GCGR: variants seen among roughly 807,000 people sequenced by gnomAD.
GCGR encodes the protein glucagon receptor.
In GCGR, 41 loss-of-function variants were observed where a neutral mutation model predicts 56.1. That is an observed-to-expected ratio of 0.73 (90% CI 0.57 to 0.95). The LOEUF is 0.95. Ranked by LOEUF, GCGR falls within the 40% of genes least tolerant of loss-of-function variation. GCGR has a pLI of 0.00. For synonymous variants in GCGR, 278 were observed against 271.1 expected (o/e 1.03, Z -0.25); for missense variants, 595 against 638.2 (o/e 0.93, Z 0.73).
chr17:81,808,101 G>A (rs2037998964), intron 1 of GCGR, among the ~76,000 whole-genome samples: 1 of 152,232 alleles, frequency 6.6e-6, no homozygotes, highest in African/African-American at 2.4e-5. Context: ...CTGGGCAGGG[G>A]GCACACATGT....
In GCGR at chr17:81,811,657, G is replaced by C; in HGVS notation, c.664G>C (p.Ala222Pro). Residue 222 changes from alanine to proline, a missense_variant, in exon 8 of 14, where the codon GCT becomes CCT. Transcript: ENST00000400723. This position sits in a 1 kb window ranked among gnomAD's most constrained non-coding sequence, Gnocchi z 5.8. Reference sequence around the variant, plus strand: ...CACACTGCACCTGTACCAGGCGGTGGCTGGCTGCCGTGTGGCCGCGGTGTT... The same window carrying C: ...CACACTGCACCTGTACCAGGCGGTGCCTGGCTGCCGTGTGGCCGCGGTGTT... ...VSTWLSDGAV[A>P]GCRVAAVFMQ... 3 of 1,536,560 alleles carry C rather than the reference G, an allele frequency of 2.0e-6. No homozygotes were observed. The highest frequency in any genetic ancestry group is 2.6e-6 in the Non-Finnish European group (3 of 1,146,924).
chr17:81,807,026 C>T (rs1275011579), intron 1 of GCGR, among the ~76,000 whole-genome samples: 1 of 152,188 alleles, frequency 6.6e-6, no homozygotes, highest in Admixed American at 6.5e-5. Context: ...AGAGGCGGCT[C>T]CTGCTGCTCC....
rs771337771 is a variant in GCGR at position 81,810,246 on chromosome 17, G to T, written c.163+362G>T. 8 of 397,712 alleles carry T rather than the reference G, an allele frequency of 2.0e-5. No individual in the cohort carries two copies. The highest frequency in any genetic ancestry group is 1.4e-4 in the African/African-American group (7 of 48,412). The allele number at this position is 397,712 out of a possible 1,614,324, so 24.6% of individuals were successfully genotyped here. A position where few individuals can be genotyped will look rare whatever the true frequency, so the allele number is the denominator to read the frequency against. ...GGGACCCAGGGGCCTGGGAGGGCTC[G>T]GGTGGAGAGTGTATATCATGGCCTG... On this transcript the variant is annotated intron_variant, in intron 3 of 13. Coordinates refer to ENST00000400723, the MANE Select transcript of GCGR (RefSeq NM_000160.5). The surrounding 1 kb of genome is among the most constrained non-coding windows in gnomAD (Gnocchi z 4.6).
intron 2 of GCGR, among the ~76,000 whole-genome samples, chr17:81,809,378 GCTGCCTGTCTGTCCGT>G (rs1232343046): frequency 1.9e-4 from 26 of 136,700 alleles, no homozygotes; most frequent in Non-Finnish European, 3.3e-4. Context: ...CTGTCTGTCT[GCTGCCTGTCTGTCCGT>G]CTGCCTGTCT....
intron 1 of GCGR, among the ~76,000 whole-genome samples, chr17:81,808,048 C>T (rs1014345595): frequency 6.6e-6 from 1 of 152,228 alleles, no homozygotes; most frequent in South Asian, 2.1e-4. Flanking sequence ...GAAGCCCAAC[C>T]GAGCCTTGCA....
chr17:81,811,357 C>T lies in GCGR; in HGVS notation c.500+29C>T, dbSNP rs548943024. On this transcript the variant is annotated intron_variant, in intron 6 of 13. Transcript: ENST00000400723. This position sits in a 1 kb window ranked among gnomAD's most constrained non-coding sequence, Gnocchi z 5.8. Reference sequence around the variant, plus strand: ...GGATTCCGCCAGCGCCCGGGGCGGCCGCAGAGGACAGGGAGGAGGACGGGC... The same window carrying T: ...GGATTCCGCCAGCGCCCGGGGCGGCTGCAGAGGACAGGGAGGAGGACGGGC... The T allele has an allele frequency of 1.5e-4, 234 of 1,534,534 alleles. 2 individuals are homozygous for T. In the South Asian group the frequency reaches 2.0e-3, roughly 13 times the overall value.
chr17:81,810,550 G>T lies in GCGR; in HGVS notation c.164-275G>T, dbSNP rs994399672. Among the ~76,000 whole-genome samples, 1 of 152,174 alleles carries T rather than the reference G, an allele frequency of 6.6e-6. No homozygotes were observed. Among genetic ancestry groups the T allele is most frequent in the Non-Finnish European group, 1.5e-5 (1 of 68,018 alleles). On this transcript the variant is annotated intron_variant, in intron 3 of 13. Coordinates refer to ENST00000400723, the MANE Select transcript of GCGR (RefSeq NM_000160.5). This position sits in a 1 kb window ranked among gnomAD's most constrained non-coding sequence, Gnocchi z 4.6. ...GTTTGGGGCACATTTGAGATGGGGG[G>T]TCTCCAAGGGAAGGTGTCCTGCAGA...
In GCGR at chr17:81,809,045, C is replaced by CCTGCTG; in HGVS notation, c.31_36dup (p.Leu16_Leu17dup). ...TGCCCCCCTGCCAGCCACAGCGACCCCTGCTGCTGTTGCTGCTGCTGCTGG... is the reference window on the plus strand; with the variant it reads ...TGCCCCCCTGCCAGCCACAGCGACCCCTGCTGCTGCTGCTGTTGCTGCTGCTGCTGG... On this transcript the variant is annotated inframe_insertion, in exon 2 of 14. Coordinates refer to ENST00000400723, the MANE Select transcript of GCGR (RefSeq NM_000160.5). 1 of 1,536,236 alleles carries CCTGCTG rather than the reference C, an allele frequency of 6.5e-7. No homozygotes were observed. Among genetic ancestry groups the CCTGCTG allele is most frequent in the Non-Finnish European group, 8.7e-7 (1 of 1,146,900 alleles).
chr17:81,812,873 G>T lies in GCGR; in HGVS notation c.1104G>T (p.Val368=). ...LGVHEVVFAF[V]TDEHAQGTLR... ...TCCACGAAGTGGTCTTCGCCTTCGTGACGGACGAGCACGCCCAGGGCACCC... is the reference window on the plus strand; with the variant it reads ...TCCACGAAGTGGTCTTCGCCTTCGTTACGGACGAGCACGCCCAGGGCACCC... The change falls in exon 12 of 14, where the codon GTG becomes GTT. Residue 368 remains valine, a synonymous_variant. Coordinates refer to ENST00000400723, the MANE Select transcript of GCGR (RefSeq NM_000160.5). The surrounding 1 kb of genome is among the most constrained non-coding windows in gnomAD (Gnocchi z 8.5). The T allele has an allele frequency of 6.5e-7, 1 of 1,536,086 alleles. No homozygotes were observed. Among genetic ancestry groups the T allele is most frequent in the Non-Finnish European group, 8.7e-7 (1 of 1,146,770 alleles).
chr17:81,805,936 C>T (rs1005642335), intron 1 of GCGR, among the ~76,000 whole-genome samples: 36 of 152,058 alleles, frequency 2.4e-4, no homozygotes, highest in African/African-American at 5.1e-4. Context: ...CTGGGCTGAC[C>T]GGGGCCCGGG....
chr17:81,812,279 ACCCCAGGCCCCTCCT>A lies in GCGR; in HGVS notation c.948+31_948+45del, dbSNP rs1237376795. On this transcript the variant is annotated intron_variant, in intron 10 of 13. Transcript: ENST00000400723. The surrounding 1 kb of genome is among the most constrained non-coding windows in gnomAD (Gnocchi z 8.5). Reference sequence around the variant, plus strand: ...TGAGGAAATGAAGAGCCAGGAGCGCACCCCAGGCCCCTCCTCCCTTGGCGTCCTGAGGCTGCCCCA... The same window carrying A: ...TGAGGAAATGAAGAGCCAGGAGCGCACCCTTGGCGTCCTGAGGCTGCCCCA... 6.5e-7 allele frequency: 1 copy of A among 1,533,938 alleles called. No homozygotes were observed. Among genetic ancestry groups the A allele is most frequent in the Non-Finnish European group, 8.7e-7 (1 of 1,146,228 alleles).
At chr17:81,805,967 G>T (rs553463256) in intron 1 of GCGR, among the ~76,000 whole-genome samples, 1 of 152,304 alleles carries the variant, frequency 6.6e-6, no homozygotes, top group African/African-American at 2.4e-5. Flanking sequence ...TCTCCTCTCG[G>T]GGGAGAGGGC....
Position 81,813,667 on chromosome 17 carries a change from G to T in GCGR, c.1412G>T (p.Arg471Ile). 2.0e-6 allele frequency: 3 copies of T among 1,535,600 alleles called. No homozygotes were observed. Among genetic ancestry groups the T allele is most frequent in the Non-Finnish European group, 2.6e-6 (3 of 1,146,724 alleles). Reference protein sequence around the residue: ...AETPLAGGLPRLAESPF With the variant: ...AETPLAGGLPILAESPF ...ACCCCCTTGGCTGGTGGCCTCCCTAGATTGGCTGAGAGCCCCTTCTGAACC... is the reference window on the plus strand; with the variant it reads ...ACCCCCTTGGCTGGTGGCCTCCCTATATTGGCTGAGAGCCCCTTCTGAACC... The change falls in exon 14 of 14, where the codon AGA becomes ATA. Residue 471 changes from arginine (R) to isoleucine (I), a missense_variant. By Grantham distance (97) the Arg-to-Ile change is moderately conservative. Transcript: ENST00000400723. This position sits in a 1 kb window ranked among gnomAD's most constrained non-coding sequence, Gnocchi z 5.3.
In GCGR at chr17:81,806,152, T is replaced by TC. The variant is rs569070119; in HGVS notation, c.-178+1911dup. ...TCATGGGTGCTCAGCTGGAAATTGG[T>TC]CCCCCCCCGGCTCCACCCACCCCTG... On this transcript the variant is annotated intron_variant, in intron 1 of 13. Coordinates refer to ENST00000400723, the MANE Select transcript of GCGR (RefSeq NM_000160.5). This position sits in a 1 kb window ranked among gnomAD's most constrained non-coding sequence, Gnocchi z 6.5. 6.6e-3 allele frequency among the ~76,000 whole-genome samples: 979 copies of TC among 149,078 alleles called. 17 individuals are homozygous for TC. Among genetic ancestry groups the TC allele is most frequent in the African/African-American group, 0.022 (871 of 40,410 alleles).
In GCGR at chr17:81,813,115, G is replaced by A. The variant is rs566432328; in HGVS notation, c.1218+58G>A. The A allele has an allele frequency of 4.2e-5, 64 of 1,534,024 alleles. No individual in the cohort carries two copies. In the East Asian group the frequency reaches 1.3e-3, roughly 32 times the overall value. On this transcript the variant is annotated intron_variant, in intron 13 of 13. Coordinates refer to ENST00000400723, the MANE Select transcript of GCGR (RefSeq NM_000160.5). The surrounding 1 kb of genome is among the most constrained non-coding windows in gnomAD (Gnocchi z 5.3). ...GCACTGGCCGTCGGGGTCAGGGGCA[G>A]AGAGAGGCACAGGGATGCCAGCCCC...
chr17:81,808,086 C>T (rs866058165), intron 1 of GCGR, among the ~76,000 whole-genome samples: 5 of 152,246 alleles, frequency 3.3e-5, no homozygotes, highest in African/African-American at 7.2e-5. Context: ...CTAGGCACCC[C>T]GGTGCTGGGC....
Position 81,810,801 on chromosome 17 carries a change from G to A in GCGR, c.164-24G>A, listed in dbSNP as rs1460281253. On this transcript the variant is annotated intron_variant, in intron 3 of 13. Transcript: ENST00000400723. This position sits in a 1 kb window ranked among gnomAD's most constrained non-coding sequence, Gnocchi z 4.6. ...CTCCCACCCTGCCCTGCCCTGCTCT[G>A]CCCTGCCCTACCCTACCCTGCAGAG... 1.3e-6 allele frequency: 2 copies of A among 1,517,480 alleles called. No individual in the cohort carries two copies. The highest frequency in any genetic ancestry group is 2.4e-5 in the South Asian group (2 of 83,696). The allele number at this position is 1,517,480 out of a possible 1,614,324, so 94.0% of individuals were successfully genotyped here.
chr17:81,808,432 C>T (rs941169984), intron 1 of GCGR, among the ~76,000 whole-genome samples: 1 of 151,952 alleles, frequency 6.6e-6, no homozygotes, highest in African/African-American at 2.4e-5. Flanking sequence ...AGACGAGGGG[C>T]TCTGCGACCC....
chr17:81,806,112 C>A lies in GCGR; in HGVS notation c.-178+1863C>A, dbSNP rs2037958391. 6.6e-6 allele frequency among the ~76,000 whole-genome samples: 1 copy of A among 152,134 alleles called. No individual in the cohort carries two copies. The highest frequency in any genetic ancestry group is 6.5e-5 in the Admixed American group (1 of 15,278). On this transcript the variant is annotated intron_variant, in intron 1 of 13. Coordinates refer to ENST00000400723, the MANE Select transcript of GCGR (RefSeq NM_000160.5). This position sits in a 1 kb window ranked among gnomAD's most constrained non-coding sequence, Gnocchi z 6.5. ...ACCACAGCAGCCTCAGCCCTGCTCT[C>A]CAGGCCAGGCTCTCTCATGGGTGCT...
Sources: allele counts gnomAD v4.1 joint callset (sites outside exome capture counted in the v4.1 genomes callset), GRCh38; gene constraint gnomAD v4.1.1; non-coding constraint Gnocchi (gnomAD v3.1); transcripts MANE v1.5; gene names NCBI Gene and HGNC (gene_info 2026-07-23, HGNC 2026-07-21).